Variants in CCDC7 observed in about 807,000 individuals in gnomAD.
CCDC7 encodes the protein coiled-coil domain containing 7.
CCDC7 carries 183 observed loss-of-function variants against 196.9 expected under a neutral mutation model. That is an observed-to-expected ratio of 0.93 (90% CI 0.82 to 1.05). The LOEUF is 1.05. Ranked by LOEUF, CCDC7 falls within the 50% of genes least tolerant of loss-of-function variation. The pLI is 0.00. For missense variants in CCDC7, 1,540 were observed against 1,482.2 expected (o/e 1.04, Z -0.64); for synonymous variants, 525 against 484.6 (o/e 1.08, Z -1.10).
chr10:32,489,751 TG>T (rs1425006384), intron 8 of CCDC7, among the ~76,000 whole-genome samples: 1 of 151,988 alleles, frequency 6.6e-6, no homozygotes, highest in Non-Finnish European at 1.5e-5. Context: ...CTCTAGGGCC[TG>T]GGGTGGGGCT....
intron 29 of CCDC7, among the ~76,000 whole-genome samples, chr10:32,785,366 A>C (rs1346198094): frequency 6.6e-6 from 1 of 152,232 alleles, no homozygotes; most frequent in African/African-American, 2.4e-5. Context: ...AATCCTATTT[A>C]TAAGCTGAAG....
chr10:32,736,725 T>C (rs1415986271), intron 28 of CCDC7, among the ~76,000 whole-genome samples: 1 of 152,220 alleles, frequency 6.6e-6, no homozygotes. Flanking sequence ...TGTTCTTTGC[T>C]GGTATATAGG....
intron 20 of CCDC7, among the ~76,000 whole-genome samples, chr10:32,636,055 A>C (rs1228346108): frequency 6.6e-6 from 1 of 152,150 alleles, no homozygotes; most frequent in Non-Finnish European, 1.5e-5. Context: ...GTGTATCTAA[A>C]AAGTAGCATA....
In CCDC7 at chr10:32,453,342, A is replaced by G; in HGVS notation, c.280-2A>G. 6.7e-7 allele frequency: 1 copy of G among 1,487,258 alleles called. No individual in the cohort carries two copies. Among genetic ancestry groups the G allele is most frequent in the Non-Finnish European group, 8.9e-7 (1 of 1,120,904 alleles). 92.1% of individuals were successfully genotyped at this position (1,487,258 alleles called of 1,614,324 possible). A position where few individuals can be genotyped will look rare whatever the true frequency, so the allele number is the denominator to read the frequency against. The stretch of plus-strand genomic sequence containing the variant: ...TAATTGGCTTTTATTTTTTTTTTAC[A>G]GGTTGTTTCCACTTTGGAAGAAACC... On this transcript the variant is annotated splice_acceptor_variant, in intron 1 of 41. Transcript: ENST00000639629. LOFTEE classifies it high-confidence loss of function.
intron 28 of CCDC7, among the ~76,000 whole-genome samples, chr10:32,763,067 AGAG>A (rs2077702358): frequency 6.6e-6 from 1 of 151,992 alleles, no homozygotes; most frequent in Non-Finnish European, 1.5e-5. Context: ...GAAAATGAAA[AGAG>A]AGCCAACAGA....
At chr10:32,755,188 G>C (rs150063805) in intron 28 of CCDC7, among the ~76,000 whole-genome samples, 5,894 of 152,252 alleles carry the variant, frequency 0.039, 122 homozygotes, top group Middle Eastern at 0.051. Flanking sequence ...CCACCTCTGG[G>C]GGCAGGGTAG....
At chr10:32,850,405 C>T (rs946713708) in intron 39 of CCDC7, among the ~76,000 whole-genome samples, 5 of 152,156 alleles carry the variant, frequency 3.3e-5, no homozygotes, top group Non-Finnish European at 7.4e-5. Flanking sequence ...GAGCAGCATG[C>T]GGGCAAGCCT....
upstream of CCDC7, among the ~76,000 whole-genome samples, chr10:32,449,724 T>C (rs544617778): frequency 6.6e-6 from 1 of 152,284 alleles, no homozygotes; most frequent in Admixed American, 6.5e-5. Context: ...AATTCGCATG[T>C]TGAAATTGGG....
chr10:32,803,835 C>G (rs1356549794), intron 29 of CCDC7, among the ~76,000 whole-genome samples: 1 of 151,974 alleles, frequency 6.6e-6, no homozygotes, highest in East Asian at 1.9e-4. Context: ...TAATTGGTGG[C>G]TTTTTATATT....
chr10:32,788,497 TA>T (rs2082205873), intron 29 of CCDC7, among the ~76,000 whole-genome samples: 1 of 152,150 alleles, frequency 6.6e-6, no homozygotes, highest in Non-Finnish European at 1.5e-5. Flanking sequence ...CAGTGTCAGG[TA>T]ATTTTCTGTG....
chr10:32,488,971 A>G (rs1033887395), intron 8 of CCDC7, among the ~76,000 whole-genome samples: 1 of 152,142 alleles, frequency 6.6e-6, no homozygotes, highest in African/African-American at 2.4e-5. Flanking sequence ...TGATATGGGT[A>G]AAAATTTCAG....
Position 32,793,458 on chromosome 10 carries a change from GT to G in CCDC7, c.3014-11550del, listed in dbSNP as rs566086005. Among the ~76,000 whole-genome samples, 11 of 152,080 alleles carry G rather than the reference GT, an allele frequency of 7.2e-5. No individual in the cohort carries two copies. The South Asian group carries it at 2.1e-3, about 29-fold the overall frequency. On this transcript the variant is annotated intron_variant, in intron 29 of 41. Transcript: ENST00000639629. ...ATATTTTAATGTATATATTAGTCAT[GT>G]TTTTTTCTCCCTTTCTGTCTCTTAG...
chr10:32,671,511 C>CT (rs2140758187), intron 21 of CCDC7, among the ~76,000 whole-genome samples: 1 of 152,222 alleles, frequency 6.6e-6, no homozygotes, highest in East Asian at 1.9e-4. Flanking sequence ...ACACACATAA[C>CT]TATTTTTTCT....
intron 25 of CCDC7, among the ~76,000 whole-genome samples, chr10:32,723,067 A>C (rs1395313915): frequency 1.3e-5 from 2 of 152,032 alleles, no homozygotes; most frequent in East Asian, 3.9e-4. Context: ...ATCAGGATCC[A>C]TTACTTCGTA....
intron 20 of CCDC7, among the ~76,000 whole-genome samples, chr10:32,662,584 C>A (rs552650270): frequency 1.3e-5 from 2 of 152,184 alleles, no homozygotes; most frequent in Admixed American, 6.6e-5. Flanking sequence ...TTCCTTGAGA[C>A]CTTATTGTTG....
At chr10:32,521,714 T>G (rs2047908394) in intron 11 of CCDC7, among the ~76,000 whole-genome samples, 1 of 152,126 alleles carries the variant, frequency 6.6e-6, no homozygotes, top group Admixed American at 6.5e-5. Context: ...CTGATTGCTC[T>G]AGTGAGAACT....
chr10:32,794,549 T>G (rs553320144), intron 29 of CCDC7, among the ~76,000 whole-genome samples: 1 of 152,338 alleles, frequency 6.6e-6, no homozygotes, highest in African/African-American at 2.4e-5. Flanking sequence ...AGCATTATTA[T>G]AGAAGTGTTT....
At chr10:32,705,037 C>T (rs1035943614) in intron 24 of CCDC7, among the ~76,000 whole-genome samples, 4 of 152,136 alleles carry the variant, frequency 2.6e-5, no homozygotes, top group Non-Finnish European at 5.9e-5. Context: ...CACTGTCCGA[C>T]AATGCCCAGT....
intron 24 of CCDC7, among the ~76,000 whole-genome samples, chr10:32,703,168 A>T (rs545181630): frequency 6.6e-6 from 1 of 151,888 alleles, no homozygotes; most frequent in Non-Finnish European, 1.5e-5. Flanking sequence ...GTTCCTTTTC[A>T]TGTTTAGTGC....
Sources: allele counts gnomAD v4.1 joint callset (sites outside exome capture counted in the v4.1 genomes callset), GRCh38; gene constraint gnomAD v4.1.1; transcripts MANE v1.5; gene names NCBI Gene and HGNC (gene_info 2026-07-23, HGNC 2026-07-21).